Variants in TRPC5 observed in about 807,000 individuals in gnomAD.
TRPC5 encodes the protein short transient receptor potential channel 5.
A neutral mutation model predicts 56.5 loss-of-function variants in TRPC5; 9 were observed. The observed-to-expected ratio is 0.16, with a 90% CI of 0.10 to 0.28. The LOEUF (loss-of-function observed/expected upper bound fraction) is 0.28, where lower values mean the gene tolerates loss of function less well. Among genes scored for constraint, TRPC5 ranks in the 10% least tolerant of loss-of-function variants. The pLI, the probability that TRPC5 is intolerant of heterozygous loss-of-function variation, is 1.00. For synonymous variants in TRPC5, 282 were observed against 278.5 expected (o/e 1.01, Z -0.13); for missense variants, 469 against 748.9 (o/e 0.63, Z 4.36).
chrX:111,975,634 C>T (rs764283103), intron 1 of TRPC5, among the ~76,000 whole-genome samples: 56 of 111,480 alleles, frequency 5.0e-4, no homozygotes, highest in African/African-American at 1.6e-3. Flanking sequence ...TGGGGGCTCA[C>T]GCCTGTAATC....
chrX:111,848,940 G>T (rs1441425840), intron 5 of TRPC5, among the ~76,000 whole-genome samples: 1 of 112,148 alleles, frequency 8.9e-6, no homozygotes, highest in Non-Finnish European at 1.9e-5. Context: ...GTCGGTGGCA[G>T]AGCCAGCAAG....
intron 3 of TRPC5, among the ~76,000 whole-genome samples, chrX:111,908,229 A>G (rs759820580): frequency 9.0e-6 from 1 of 111,593 alleles, no homozygotes; most frequent in South Asian, 3.8e-4. Context: ...TTCAGAAGGG[A>G]TTTATAGAGT....
chrX:112,071,864 A>C (rs754976632), intron 1 of TRPC5, among the ~76,000 whole-genome samples: 29 of 111,688 alleles, frequency 2.6e-4, no homozygotes, highest in Non-Finnish European at 4.3e-4. Flanking sequence ...GAATTGTCAA[A>C]TCCAATGGCT....
At chrX:112,008,471 G>C (rs1928900420) in intron 1 of TRPC5, among the ~76,000 whole-genome samples, 1 of 109,762 alleles carries the variant, frequency 9.1e-6, no homozygotes, top group South Asian at 4.0e-4. Context: ...GCGGTGGTGG[G>C]TGCCTGTAGT....
At position 111,793,707 on chromosome X, in the gene TRPC5, C is replaced by A. The variant is rs755490806; in HGVS notation, c.1897-11569G>T. On this transcript the variant is annotated intron_variant, in intron 7 of 10. Coordinates refer to ENST00000262839, the MANE Select transcript of TRPC5 (RefSeq NM_012471.3). ...CAGCAAATCCACTCCTAGGTATATA[C>A]CCAAGAGAAATGAAAACGTATCTCC... 7.2e-5 allele frequency among the ~76,000 whole-genome samples: 8 copies of A among 111,681 alleles called. No individual in the cohort carries two copies. In the East Asian group the frequency reaches 2.2e-3, roughly 31 times the overall value.
intron 2 of TRPC5, among the ~76,000 whole-genome samples, chrX:111,928,506 C>T (rs1158803566): frequency 8.9e-6 from 1 of 112,270 alleles, no homozygotes; most frequent in Non-Finnish European, 1.9e-5. Flanking sequence ...TCTGATATTA[C>T]TTCCAATTTT....
intron 1 of TRPC5, among the ~76,000 whole-genome samples, chrX:111,966,085 G>C (rs1403347184): frequency 9.0e-6 from 1 of 111,287 alleles, no homozygotes; most frequent in Non-Finnish European, 1.9e-5. Context: ...CTGCTAGCAA[G>C]ACTAATAAAG....
At position 111,983,240 on chromosome X, in the gene TRPC5, T is replaced by C. The variant is rs191484841; in HGVS notation, c.-21-30799A>G. Among the ~76,000 whole-genome samples, 69 of 111,842 alleles carry C rather than the reference T, an allele frequency of 6.2e-4. 2 individuals carry two copies. In the East Asian group the frequency reaches 0.017, roughly 28 times the overall value. ...TCCCTGCTGCTATCAGATTGGGCACTCAGCAGTGACTGTAGCCAGGTACGC... is the reference window on the plus strand; with the variant it reads ...TCCCTGCTGCTATCAGATTGGGCACCCAGCAGTGACTGTAGCCAGGTACGC... On this transcript the variant is annotated intron_variant, in intron 1 of 10. Coordinates refer to ENST00000262839, the MANE Select transcript of TRPC5 (RefSeq NM_012471.3).
chrX:111,803,861 C>A (rs1921403013), intron 7 of TRPC5, among the ~76,000 whole-genome samples: 2 of 111,657 alleles, frequency 1.8e-5, no homozygotes, highest in South Asian at 7.6e-4. Flanking sequence ...TTAATTAGAT[C>A]CCATTTGTCT....
At chrX:111,795,606 C>T (rs1431327256) in intron 7 of TRPC5, among the ~76,000 whole-genome samples, 3 of 111,185 alleles carry the variant, frequency 2.7e-5, no homozygotes, top group Non-Finnish European at 5.7e-5. Context: ...TTGAAGATCC[C>T]CTGTACATGA....
chrX:112,033,111 T>G (rs1373403739), intron 1 of TRPC5, among the ~76,000 whole-genome samples: 3 of 105,856 alleles, frequency 2.8e-5, no homozygotes, highest in African/African-American at 1.0e-4. Context: ...CAGCAAACTA[T>G]TGCAAGGACA....
In TRPC5 at chrX:112,082,336, A is replaced by T. The variant is rs1930990942; in HGVS notation, c.-479T>A. ...GGGGAAACTGACAGGGGTAGCTGACACTGTAGTGTGAAGGAGAGGGAGAAG... is the reference window on the plus strand; with the variant it reads ...GGGGAAACTGACAGGGGTAGCTGACTCTGTAGTGTGAAGGAGAGGGAGAAG... On this transcript the variant is annotated 5_prime_UTR_variant, in exon 1 of 11. Coordinates refer to ENST00000262839, the MANE Select transcript of TRPC5 (RefSeq NM_012471.3). The T allele has an allele frequency of 9.0e-6, 1 of 110,542 alleles. No homozygotes were observed. Among genetic ancestry groups the T allele is most frequent in the South Asian group, 4.0e-4 (1 of 2,505 alleles). The allele number at this position is 110,542 out of a possible 1,213,427, so 9.1% of individuals were successfully genotyped here.
intron 3 of TRPC5, among the ~76,000 whole-genome samples, chrX:111,857,359 T>C (rs769933937): frequency 1.5e-3 from 165 of 111,337 alleles, no homozygotes; most frequent in African/African-American, 5.2e-3. Context: ...GATGTGCTGA[T>C]GGATGGGGAA....
In TRPC5 at chrX:111,875,608, C is replaced by T. The variant is rs6642962; in HGVS notation, c.901-21502G>A. Among the ~76,000 whole-genome samples, 27 of 80,489 alleles carry T rather than the reference C, an allele frequency of 3.4e-4. No individual in the cohort carries two copies. In the East Asian group the frequency reaches 9.8e-3, roughly 29 times the overall value. The allele number at this position is 80,489 out of a possible 115,157, so 69.9% of individuals were successfully genotyped here. ...TTTTTTTTTTTGGTGTCTTCAAAAT[C>T]CTTCCCTTGTGTTGCACTTCAATGG... On this transcript the variant is annotated intron_variant, in intron 3 of 10. Coordinates refer to ENST00000262839, the MANE Select transcript of TRPC5 (RefSeq NM_012471.3).
chrX:111,915,482 C>T (rs766344478), intron 2 of TRPC5, among the ~76,000 whole-genome samples: 1 of 111,469 alleles, frequency 9.0e-6, no homozygotes, highest in Non-Finnish European at 1.9e-5. Flanking sequence ...AATGGTCTCT[C>T]GCCCCATTTC....
At chrX:112,018,720 G>C (rs1052421139) in intron 1 of TRPC5, among the ~76,000 whole-genome samples, 1 of 112,349 alleles carries the variant, frequency 8.9e-6, no homozygotes, top group Non-Finnish European at 1.9e-5. Context: ...GTTTCTGTGC[G>C]TGAGAAGTCT....
At chrX:111,950,324 C>CA (rs759300275) in intron 2 of TRPC5, among the ~76,000 whole-genome samples, 10,705 of 94,519 alleles carry the variant, frequency 0.11, 821 homozygotes, top group African/African-American at 0.27. Context: ...GACTCCATCT[C>CA]AAAAAAAAAA....
chrX:111,923,681 GGA>G (rs1247375371), intron 2 of TRPC5, among the ~76,000 whole-genome samples: 7 of 111,797 alleles, frequency 6.3e-5, no homozygotes, highest in African/African-American at 1.3e-4. Flanking sequence ...GCCGGCCTTT[GGA>G]GAGACAGCCC....
intron 6 of TRPC5, among the ~76,000 whole-genome samples, chrX:111,845,752 T>C (rs1364657866): frequency 3.6e-5 from 4 of 112,215 alleles, no homozygotes; most frequent in African/African-American, 9.7e-5. Flanking sequence ...CCATTCCTAG[T>C]CAACAGGCAC....
Sources: allele counts gnomAD v4.1 joint callset (sites outside exome capture counted in the v4.1 genomes callset), GRCh38; gene constraint gnomAD v4.1.1; transcripts MANE v1.5; gene names NCBI Gene and HGNC (gene_info 2026-07-23, HGNC 2026-07-21).